The following ARHGAP35 variants were observed in gnomAD, a reference collection of about 807,000 sequenced individuals.
ARHGAP35 encodes Rho GTPase activating protein 35.
A neutral mutation model predicts 111.1 loss-of-function variants in ARHGAP35; 15 were observed. That is an observed-to-expected ratio of 0.13 (90% CI 0.09 to 0.21). ARHGAP35 has a LOEUF of 0.21. Among genes scored for constraint, ARHGAP35 ranks in the 10% least tolerant of loss-of-function variants. ARHGAP35 has a pLI of 1.00. For missense variants in ARHGAP35, 1,262 were observed against 1,873.0 expected, an observed-to-expected ratio of 0.67 and a Z score of 6.02; for synonymous variants, 643 against 710.3, an observed-to-expected ratio of 0.91 and a Z score of 1.51.
At chr19:46,891,866 G>T (rs1270934430) in intron 1 of ARHGAP35, among the ~76,000 whole-genome samples, 2 of 152,100 alleles carry the variant, frequency 1.3e-5, no homozygotes, top group African/African-American at 4.8e-5. Flanking sequence ...AACTGGCCAG[G>T]CGCGATGGCT....
intron 2 of ARHGAP35, among the ~76,000 whole-genome samples, chr19:46,932,789 G>T (rs2056280392): frequency 6.6e-6 from 1 of 152,164 alleles, no homozygotes; most frequent in Admixed American, 6.5e-5. Context: ...ACGTCACTCA[G>T]CAAGGAGGTG....
chr19:46,943,096 A>C (rs1402479231), intron 3 of ARHGAP35, among the ~76,000 whole-genome samples: 1 of 151,600 alleles, frequency 6.6e-6, no homozygotes, highest in Non-Finnish European at 1.5e-5. Context: ...GCTGGAGTAC[A>C]ATGGTGCAGT....
chr19:46,900,490 G>A (rs2056079120), intron 1 of ARHGAP35, among the ~76,000 whole-genome samples: 2 of 152,128 alleles, frequency 1.3e-5, no homozygotes, highest in Admixed American at 1.3e-4. Flanking sequence ...CAAACTGTTG[G>A]GATTACAGGC....
intron 1 of ARHGAP35, among the ~76,000 whole-genome samples, chr19:46,881,124 GAGT>G (rs1468402484): frequency 6.6e-6 from 1 of 151,738 alleles, no homozygotes; most frequent in Non-Finnish European, 1.5e-5. Context: ...TTTGTTTTTC[GAGT>G]AGAGATGGGG....
rs1248570267 is a variant in ARHGAP35, at chr19:46,992,038, T to C, written c.4036+2363T>C. ...AAATGTACTCGCAAAATAGAGACGT[T>C]TGTGATTATTTGCCAGTTATTTTCC... On this transcript the variant is annotated intron_variant, in intron 5 of 6. Transcript: ENST00000672722. The surrounding 1 kb of genome is among the most constrained non-coding windows in gnomAD (Gnocchi z 4.4). Among the ~76,000 whole-genome samples, 1 of 151,816 alleles carries C rather than the reference T, an allele frequency of 6.6e-6. No homozygotes were observed. Among genetic ancestry groups the C allele is most frequent in the Non-Finnish European group, 1.5e-5 (1 of 67,956 alleles).
At chr19:46,866,889 T>C (rs2122853823) in intron 1 of ARHGAP35, among the ~76,000 whole-genome samples, 1 of 152,318 alleles carries the variant, frequency 6.6e-6, no homozygotes, top group African/African-American at 2.4e-5. Context: ...TTAAAAACGA[T>C]ATGGAATTTT....
intron 1 of ARHGAP35, among the ~76,000 whole-genome samples, chr19:46,877,920 C>T (rs576517167): frequency 1.5e-4 from 23 of 152,194 alleles, no homozygotes; most frequent in African/African-American, 5.3e-4. Context: ...GTTGGCCAAG[C>T]TGGTCTCGAA....
intron 2 of ARHGAP35, among the ~76,000 whole-genome samples, chr19:46,935,423 T>C (rs1305777088): frequency 6.6e-6 from 1 of 152,242 alleles, no homozygotes; most frequent in Admixed American, 6.5e-5. Context: ...TATTCTGATC[T>C]GTTCTTTTTT....
intron 3 of ARHGAP35, chr19:46,946,906 G>A (rs2056383209): frequency 6.6e-6 from 1 of 152,122 alleles, no homozygotes; most frequent in Non-Finnish European, 1.5e-5. Flanking sequence ...AAAGCTCTTT[G>A]CTGGAGGGTC....
Position 47,004,692 on chromosome 19 carries a change from T to C in ARHGAP35, c.*4004T>C, listed in dbSNP as rs2056766492. ...ACATATTAATGGTATTGAAATGTGTTAGTAGTCTGGCTGTGTGCCCAAAAT... is the reference window on the plus strand; with the variant it reads ...ACATATTAATGGTATTGAAATGTGTCAGTAGTCTGGCTGTGTGCCCAAAAT... On this transcript the variant is annotated 3_prime_UTR_variant, in exon 7 of 7. Coordinates refer to ENST00000672722, the MANE Select transcript of ARHGAP35 (RefSeq NM_004491.5). The C allele has an allele frequency of 6.5e-6, 1 of 152,700 alleles. No individual in the cohort carries two copies. Among genetic ancestry groups the C allele is most frequent in the African/African-American group, 2.4e-5 (1 of 41,478 alleles). The allele number at this position is 152,700 out of a possible 1,614,324, so 9.5% of individuals were successfully genotyped here. A position where few individuals can be genotyped will look rare whatever the true frequency, so the allele number is the denominator to read the frequency against.
intron 2 of ARHGAP35, among the ~76,000 whole-genome samples, chr19:46,933,813 C>A (rs1049260505): frequency 6.6e-6 from 1 of 152,016 alleles, no homozygotes; most frequent in African/African-American, 2.4e-5. Context: ...AGAGCGAGAC[C>A]CTATCTAAAA....
intron 1 of ARHGAP35, among the ~76,000 whole-genome samples, chr19:46,899,433 G>A (rs1054628879): frequency 6.6e-6 from 1 of 152,164 alleles, no homozygotes; most frequent in Non-Finnish European, 1.5e-5. Context: ...GGTAGCTCAC[G>A]CCTGTAATCC....
intron 1 of ARHGAP35, among the ~76,000 whole-genome samples, chr19:46,865,215 C>G (rs763064887): frequency 2.0e-5 from 3 of 152,174 alleles, no homozygotes; most frequent in African/African-American, 4.8e-5. Flanking sequence ...GGGACTGGAG[C>G]AGGAGATGGC....
At position 46,994,575 on chromosome 19, in the gene ARHGAP35, C is replaced by T. The variant is rs1413666126; in HGVS notation, c.4037-4729C>T. On this transcript the variant is annotated intron_variant, in intron 5 of 6. Transcript: ENST00000672722. The surrounding 1 kb of genome is among the most constrained non-coding windows in gnomAD (Gnocchi z 5.4). ...AGCAAGTAGCAGCCAGCCAGAGGCG[C>T]CGTGAACTCGCCGGGGATGAGGATG... Among the ~76,000 whole-genome samples the T allele has an allele frequency of 6.6e-6, 1 of 152,120 alleles. No homozygotes were observed. Among genetic ancestry groups the T allele is most frequent in the Non-Finnish European group, 1.5e-5 (1 of 68,018 alleles).
At position 46,893,864 on chromosome 19, in the gene ARHGAP35, AGTTC is replaced by A. The variant is rs981535997; in HGVS notation, c.-188-24611_-188-24608del. ...GATATTTTGTTTCTGCCTTAACATA[AGTTC>A]GTTCGTTCGTTCTTTCTCTTTTTTT... On this transcript the variant is annotated intron_variant, in intron 1 of 6. Transcript: ENST00000672722. Among the ~76,000 whole-genome samples the A allele has an allele frequency of 8.0e-5, 12 of 149,978 alleles. No homozygotes were observed. The East Asian group carries it at 9.7e-4, about 12-fold the overall frequency.
At chr19:46,876,853 C>T (rs1487076930) in intron 1 of ARHGAP35, among the ~76,000 whole-genome samples, 2 of 152,132 alleles carry the variant, frequency 1.3e-5, no homozygotes, top group Non-Finnish European at 2.9e-5. Flanking sequence ...TAAATACAGG[C>T]ATAACTCAGA....
chr19:46,883,857 C>A (rs536776208), intron 1 of ARHGAP35, among the ~76,000 whole-genome samples: 1 of 152,218 alleles, frequency 6.6e-6, no homozygotes, highest in Non-Finnish European at 1.5e-5. Flanking sequence ...GAGTTTGAGA[C>A]CAGCCTGGGC....
chr19:46,965,558 C>T (rs962256943), intron 3 of ARHGAP35, among the ~76,000 whole-genome samples: 2 of 152,096 alleles, frequency 1.3e-5, no homozygotes, highest in African/African-American at 2.4e-5. Flanking sequence ...AGTCATGGCT[C>T]ATTGCAGCCT....
rs1477620679 is a variant in ARHGAP35, at chr19:46,919,254, G to A, written c.579G>A (p.Lys193=). 4 of 1,613,746 alleles carry A rather than the reference G, an allele frequency of 2.5e-6. No homozygotes were observed. The highest frequency in any genetic ancestry group is 3.4e-6 in the Non-Finnish European group (4 of 1,179,886). ...ACAATCAGCTTGCAAAAACAAAAAA[G>A]CCCATAGTGGTGGTCCTGACTAAGT... ...NLYNQLAKTK[K]PIVVVLTKCD... is the part of the protein sequence containing the mutation. Residue 193 remains lysine, a synonymous_variant, in exon 2 of 7, where the codon AAG becomes AAA. Transcript: ENST00000672722. This position sits in a 1 kb window ranked among gnomAD's most constrained non-coding sequence, Gnocchi z 6.2.
Sources: allele counts gnomAD v4.1 joint callset (sites outside exome capture counted in the v4.1 genomes callset), GRCh38; gene constraint gnomAD v4.1.1; non-coding constraint Gnocchi (gnomAD v3.1); transcripts MANE v1.5; gene names NCBI Gene and HGNC (gene_info 2026-07-23, HGNC 2026-07-21).